Variants in YTHDF3 observed in about 807,000 individuals in gnomAD.
YTHDF3 encodes the protein YTH domain-containing family protein 3.
In YTHDF3, 9 loss-of-function variants were observed where a neutral mutation model predicts 52.5. The ratio of observed to expected loss-of-function variants is 0.17; its 90% CI spans 0.10 to 0.30. The LOEUF (loss-of-function observed/expected upper bound fraction) is 0.30, where lower values mean the gene tolerates loss of function less well. Ranked by LOEUF, YTHDF3 falls within the 10% of genes least tolerant of loss-of-function variation. YTHDF3 has a pLI of 1.00. For synonymous variants in YTHDF3, 274 were observed against 243.3 expected, an observed-to-expected ratio of 1.13 and a Z score of -1.18; for missense variants, 534 against 715.0, an observed-to-expected ratio of 0.75 and a Z score of 2.89.
chr8:63,187,357 A>T lies in YTHDF3; in HGVS notation c.1346A>T (p.Asp449Val), dbSNP rs1808591100. The T allele has an allele frequency of 6.2e-7, 1 of 1,613,872 alleles. No homozygotes were observed. The highest frequency in any genetic ancestry group is 8.5e-7 in the Non-Finnish European group (1 of 1,179,912). The change falls in exon 4 of 5, where the codon GAT (aspartate) becomes GTT (valine). Residue 449 changes from aspartate to valine, a missense_variant. This residue lies in a region of YTHDF3 where 135 missense variants were observed against 214.2 expected (regional missense o/e 0.63). Coordinates refer to ENST00000539294, the MANE Select transcript of YTHDF3 (RefSeq NM_152758.6). ...CSTEHGNKRL[D>V]AAYRSLNGKG... ...ACTGAGCATGGTAATAAGCGTTTGG[A>T]TGCAGCTTACCGTTCCCTGAATGGG...
chr8:63,191,187 A>C (rs910296025), intron 4 of YTHDF3, among the ~76,000 whole-genome samples: 10 of 152,142 alleles, frequency 6.6e-5, no homozygotes, highest in African/African-American at 2.4e-4. Context: ...TTATTTTTAC[A>C]TTATGAATGT....
At chr8:63,197,170 G>C (rs1157473515) in intron 4 of YTHDF3, among the ~76,000 whole-genome samples, 2 of 152,214 alleles carry the variant, frequency 1.3e-5, no homozygotes, top group Non-Finnish European at 1.5e-5. Context: ...CGCTGAAAGA[G>C]CAGGCTTTGC....
At chr8:63,197,611 AGAG>A (rs1809325983) in intron 4 of YTHDF3, among the ~76,000 whole-genome samples, 2 of 152,292 alleles carry the variant, frequency 1.3e-5, no homozygotes, top group African/African-American at 4.8e-5. Flanking sequence ...GTAGTACGGG[AGAG>A]GAGAAGAGAA....
rs770679480 is a variant in YTHDF3, at chr8:63,187,125, A to G, written c.1114A>G (p.Ser372Gly). ...CTTCAACCAGAACAATGGAGCGGGC[A>G]GTGAAAACTTTGGTTTAGGTGTTGT... ...AGFNQNNGAG[S>G]ENFGLGVVPV... Residue 372 changes from serine (S) to glycine (G), a missense_variant, in exon 4 of 5, where the codon AGT becomes GGT. Around this residue, in one of 3 missense-constraint regions of YTHDF3, gnomAD observed 203 missense variants for 201.3 expected, o/e 1.01. Coordinates refer to ENST00000539294, the MANE Select transcript of YTHDF3 (RefSeq NM_152758.6). The G allele has an allele frequency of 1.9e-6, 3 of 1,613,958 alleles. No homozygotes were observed. Among genetic ancestry groups the G allele is most frequent in the South Asian group, 2.2e-5 (2 of 91,082 alleles).
chr8:63,183,787 T>A (rs1808315166), intron 3 of YTHDF3, among the ~76,000 whole-genome samples: 1 of 152,234 alleles, frequency 6.6e-6, no homozygotes, highest in African/African-American at 2.4e-5. Flanking sequence ...ATTCACGGAT[T>A]CAGTCAGTTG....
At chr8:63,197,644 A>G (rs116020341) in intron 4 of YTHDF3, among the ~76,000 whole-genome samples, 237 of 152,322 alleles carry the variant, frequency 1.6e-3, no homozygotes, top group Middle Eastern at 6.8e-3. Flanking sequence ...ACCATATTCA[A>G]TGTGATATGG....
Position 63,173,662 on chromosome 8 carries a change from C to G in YTHDF3, c.50-1669C>G, listed in dbSNP as rs149262135. On this transcript the variant is annotated intron_variant, in intron 2 of 4. Coordinates refer to ENST00000539294, the MANE Select transcript of YTHDF3 (RefSeq NM_152758.6). Reference sequence around the variant, plus strand: ...TACCTTTGATTTAGGAGCAGTAAAGCCAGTGTCAGAGGAGAACAGGTATGT... The same window carrying G: ...TACCTTTGATTTAGGAGCAGTAAAGGCAGTGTCAGAGGAGAACAGGTATGT... The G allele has an allele frequency of 1.4e-5, 14 of 985,092 alleles. No homozygotes were observed. The East Asian group carries it at 5.7e-4, about 40-fold the overall frequency. 61.0% of individuals were successfully genotyped at this position (985,092 alleles called of 1,614,324 possible).
At chr8:63,169,054 C>T in intron 1 of YTHDF3, 153 bp downstream of exon 1, 1 of 1,420,316 alleles carries the variant, frequency 7.0e-7, no homozygotes, top group South Asian at 1.6e-5. Context: ...CGGGCCGGGG[C>T]GTGCGCCCTG....
chr8:63,208,446 CT>C (rs1293319305), intron 4 of YTHDF3, among the ~76,000 whole-genome samples: 1 of 152,176 alleles, frequency 6.6e-6, no homozygotes, highest in Non-Finnish European at 1.5e-5. Context: ...AAGTGAGAGT[CT>C]TTTAATGTGT....
At chr8:63,190,937 T>C (rs889248183) in intron 4 of YTHDF3, among the ~76,000 whole-genome samples, 14 of 152,200 alleles carry the variant, frequency 9.2e-5, no homozygotes, top group Admixed American at 3.3e-4. Flanking sequence ...TTGAACCTTG[T>C]TTAACTTATT....
chr8:63,195,610 C>T (rs968104959), intron 4 of YTHDF3, among the ~76,000 whole-genome samples: 1 of 151,824 alleles, frequency 6.6e-6, no homozygotes, highest in Non-Finnish European at 1.5e-5. Flanking sequence ...ATACAGGAAA[C>T]AATAATCAAA....
chr8:63,178,117 C>A (rs1301981177), intron 3 of YTHDF3, among the ~76,000 whole-genome samples: 1 of 152,166 alleles, frequency 6.6e-6, no homozygotes, highest in Non-Finnish European at 1.5e-5. Context: ...GGAATTGCTA[C>A]CTGAGTAATC....
chr8:63,192,439 TG>T (rs1808973320), intron 4 of YTHDF3, among the ~76,000 whole-genome samples: 2 of 152,228 alleles, frequency 1.3e-5, no homozygotes, highest in African/African-American at 4.8e-5. Context: ...TTGACCAGCC[TG>T]TGGAGATTTA....
At position 63,186,878 on chromosome 8, in the gene YTHDF3, A is replaced by G. The variant is rs751486979; in HGVS notation, c.867A>G (p.Pro289=). The change falls in exon 4 of 5, where the codon CCA becomes CCG. Residue 289 remains proline (P), a synonymous_variant. Transcript: ENST00000539294. ...AAAAAGGGTCAGTGGTAAAGGCTCC[A>G]CCAACCCAACCAGTTCTGCCTCCTC... is the stretch of plus-strand genomic sequence containing the variant. The part of the protein sequence containing the change: ...WDEKGSVVKA[P]PTQPVLPPQT... 7 of 1,613,990 alleles carry G rather than the reference A, an allele frequency of 4.3e-6. No individual in the cohort carries two copies. Among genetic ancestry groups the G allele is most frequent in the Middle Eastern group, 1.6e-4 (1 of 6,062 alleles).
chr8:63,170,631 AAG>A (rs1201588592), intron 2 of YTHDF3, among the ~76,000 whole-genome samples: 1 of 152,198 alleles, frequency 6.6e-6, no homozygotes, highest in African/African-American at 2.4e-5. Context: ...GAATTTTAAA[AAG>A]AATGATCCAT....
rs1479631122 is a variant in YTHDF3 at position 63,180,598 on chromosome 8, G to A, written c.135+5182G>A. Reference sequence around the variant, plus strand: ...GCGGCTGGGCAGAGGCTGCAATCTCGGCACTTTGGGAGGCCAAGGCAGGCT... The same window carrying A: ...GCGGCTGGGCAGAGGCTGCAATCTCAGCACTTTGGGAGGCCAAGGCAGGCT... On this transcript the variant is annotated intron_variant, in intron 3 of 4. Transcript: ENST00000539294. 6.3e-3 allele frequency among the ~76,000 whole-genome samples: 954 copies of A among 152,286 alleles called. 15 individuals carry two copies. The highest frequency in any genetic ancestry group is 0.022 in the African/African-American group (919 of 41,558).
intron 3 of YTHDF3, among the ~76,000 whole-genome samples, chr8:63,182,518 T>A (rs1808210854): frequency 6.6e-6 from 1 of 152,210 alleles, no homozygotes. Context: ...GAACTTGATG[T>A]GTAACTGTTG....
chr8:63,189,505 G>T (rs1808779552), intron 4 of YTHDF3, among the ~76,000 whole-genome samples: 1 of 152,190 alleles, frequency 6.6e-6, no homozygotes, highest in Non-Finnish European at 1.5e-5. Context: ...TTCCTATGTA[G>T]AAATTAAGAT....
intron 3 of YTHDF3, 117 bp from the exon 4 acceptor site, chr8:63,186,030 A>G (rs1461985769): frequency 8.4e-5 from 93 of 1,112,246 alleles, no homozygotes; most frequent in Non-Finnish European, 1.1e-4. Context: ...TTTATCTAGA[A>G]TAGGTACATC....
Sources: gnomAD v4.1 joint callset for allele counts (sites outside exome capture counted in the v4.1 genomes callset) on GRCh38, gnomAD v4.1.1 for gene constraint, gnomAD v4.1.1 regional missense constraint, MANE v1.5 for transcripts, NCBI Gene and HGNC (gene_info 2026-07-23, HGNC 2026-07-21) for gene names.